RUNX2: variants seen among roughly 807,000 people sequenced by gnomAD.
RUNX2 encodes runt-related transcription factor 2.
A neutral mutation model predicts 51.7 loss-of-function variants in RUNX2; 10 were observed. The ratio of observed to expected loss-of-function variants is 0.19; its 90% confidence interval spans 0.12 to 0.33. The LOEUF (loss-of-function observed/expected upper bound fraction) is 0.33. RUNX2 is among the 10% of genes least tolerant of loss of function. The pLI is 1.00. For synonymous variants in RUNX2, 276 were observed against 273.6 expected (o/e 1.01, Z -0.09); for missense variants, 562 against 691.3 (o/e 0.81, Z 2.10).
intron 2 of RUNX2, among the ~76,000 whole-genome samples, chr6:45,346,652 C>G (rs1790941016): frequency 6.6e-6 from 1 of 151,066 alleles, no homozygotes; most frequent in Admixed American, 6.6e-5. Context: ...ACTGCAACCT[C>G]CACCTCCTGG....
At chr6:45,505,801 A>C (rs546036450) in intron 6 of RUNX2, among the ~76,000 whole-genome samples, 2 of 152,294 alleles carry the variant, frequency 1.3e-5, no homozygotes, top group Non-Finnish European at 2.9e-5. Flanking sequence ...AGCTGAAGGA[A>C]CACCACCCTA....
chr6:45,365,207 C>T (rs1446608137), intron 2 of RUNX2: 2 of 1,600,308 alleles, frequency 1.2e-6, no homozygotes, highest in Non-Finnish European at 1.7e-6. Context: ...TTACATCATA[C>T]TCTGTAATTC....
At chr6:45,519,442 TC>T (rs1801431510) in intron 7 of RUNX2, among the ~76,000 whole-genome samples, 1 of 152,168 alleles carries the variant, frequency 6.6e-6, no homozygotes, top group Non-Finnish European at 1.5e-5. Flanking sequence ...GTTGTGCAGT[TC>T]TATGGGTTTT....
chr6:45,495,085 G>A (rs909113932), intron 6 of RUNX2, among the ~76,000 whole-genome samples: 2 of 152,180 alleles, frequency 1.3e-5, no homozygotes, highest in African/African-American at 4.8e-5. Context: ...TCAGGAAAAA[G>A]TTCTGGAACC....
intron 2 of RUNX2, among the ~76,000 whole-genome samples, chr6:45,345,999 C>G (rs1376502175): frequency 6.6e-6 from 1 of 152,170 alleles, no homozygotes; most frequent in Non-Finnish European, 1.5e-5. Context: ...TGTCACCCTA[C>G]CTACAAATCT....
At chr6:45,459,114 C>T (rs1799401560) in intron 5 of RUNX2, among the ~76,000 whole-genome samples, 1 of 152,204 alleles carries the variant, frequency 6.6e-6, no homozygotes, top group Non-Finnish European at 1.5e-5. Flanking sequence ...AACCCTTACT[C>T]TTCTTTCAGT....
intron 7 of RUNX2, among the ~76,000 whole-genome samples, chr6:45,515,755 T>C (rs1582195613): frequency 6.6e-6 from 1 of 152,144 alleles, no homozygotes; most frequent in Non-Finnish European, 1.5e-5. Flanking sequence ...CAAAAAGCAA[T>C]TGGGAACCAT....
chr6:45,394,825 A>G (rs371113106), intron 2 of RUNX2, among the ~76,000 whole-genome samples: 281 of 152,332 alleles, frequency 1.8e-3, no homozygotes, highest in African/African-American at 6.5e-3. Context: ...GTTAAGCAGA[A>G]CAAAGTGCTC....
intron 3 of RUNX2, among the ~76,000 whole-genome samples, chr6:45,429,579 T>C (rs919955431): frequency 1.3e-5 from 2 of 152,210 alleles, no homozygotes; most frequent in African/African-American, 2.4e-5. Flanking sequence ...CTTCTCATAT[T>C]GAGAATAACT....
chr6:45,419,499 G>T (rs1413120492), intron 2 of RUNX2, among the ~76,000 whole-genome samples: 1 of 152,160 alleles, frequency 6.6e-6, no homozygotes, highest in Non-Finnish European at 1.5e-5. Context: ...GTCTGCGTGT[G>T]GACTTGCAAG....
At chr6:45,476,480 A>G (rs945100062) in intron 5 of RUNX2, among the ~76,000 whole-genome samples, 3 of 152,178 alleles carry the variant, frequency 2.0e-5, no homozygotes, top group Non-Finnish European at 2.9e-5. Context: ...TATTTGGACG[A>G]GAACAAATTT....
chr6:45,455,403 A>T (rs911000287), intron 5 of RUNX2, among the ~76,000 whole-genome samples: 17 of 152,180 alleles, frequency 1.1e-4, no homozygotes, highest in Non-Finnish European at 2.1e-4. Context: ...GAGCTTGGTA[A>T]TTAAAAGAAG....
intron 2 of RUNX2, among the ~76,000 whole-genome samples, chr6:45,378,857 A>G (rs1563059056): frequency 6.6e-6 from 1 of 152,184 alleles, no homozygotes; most frequent in Non-Finnish European, 1.5e-5. Context: ...AGTCTTATTT[A>G]TATTTAACAT....
intron 7 of RUNX2, among the ~76,000 whole-genome samples, chr6:45,535,265 A>G (rs1202450984): frequency 6.6e-6 from 1 of 152,080 alleles, no homozygotes; most frequent in Non-Finnish European, 1.5e-5. Context: ...AAAAAAGGCT[A>G]TAGAGGTGAT....
chr6:45,486,479 A>C (rs1461117291), intron 5 of RUNX2, among the ~76,000 whole-genome samples: 3 of 152,168 alleles, frequency 2.0e-5, no homozygotes, highest in African/African-American at 7.2e-5. Context: ...TTATTTAAAA[A>C]TTATGTTTTC....
At chr6:45,395,802 T>C (rs1401962854) in intron 2 of RUNX2, among the ~76,000 whole-genome samples, 1 of 152,060 alleles carries the variant, frequency 6.6e-6, no homozygotes, top group African/African-American at 2.4e-5. Flanking sequence ...ATAGCTGGGA[T>C]TACAGGCATG....
At chr6:45,507,148 A>T (rs958085065) in intron 6 of RUNX2, among the ~76,000 whole-genome samples, 3 of 152,028 alleles carry the variant, frequency 2.0e-5, no homozygotes, top group Admixed American at 6.5e-5. Flanking sequence ...GAGTGTTAGG[A>T]CATGGTTCTT....
At chr6:45,525,988 C>CAA (rs1189104091) in intron 7 of RUNX2, among the ~76,000 whole-genome samples, 2 of 123,210 alleles carry the variant, frequency 1.6e-5, no homozygotes, top group Admixed American at 8.2e-5. Flanking sequence ...ACTCTGTCTC[C>CAA]AAAAAAAAAA....
At chr6:45,502,618 G>A (rs967489352) in intron 6 of RUNX2, among the ~76,000 whole-genome samples, 4 of 152,112 alleles carry the variant, frequency 2.6e-5, no homozygotes, top group Non-Finnish European at 5.9e-5. Context: ...CTGATGTGTG[G>A]AGGCAGCTAA....
Sources: allele counts gnomAD v4.1 joint callset (sites outside exome capture counted in the v4.1 genomes callset), GRCh38; gene constraint gnomAD v4.1.1; transcripts MANE v1.5; gene names NCBI Gene and HGNC (gene_info 2026-07-23, HGNC 2026-07-21).